CHST9: variants seen among roughly 807,000 people sequenced by gnomAD.
CHST9 encodes the protein GalNAc-4-sulfotransferase 2.
CHST9 carries 41 observed loss-of-function variants against 44.4 expected under a neutral mutation model. The observed-to-expected ratio is 0.92, with a 90% CI of 0.72 to 1.20. The LOEUF is 1.20. Among genes scored for constraint, CHST9 ranks in the 50% most tolerant of loss-of-function variants. CHST9 has a pLI of 0.00. For synonymous variants in CHST9, 171 were observed against 178.4 expected, an observed-to-expected ratio of 0.96 and a Z score of 0.33; for missense variants, 504 against 516.5, an observed-to-expected ratio of 0.98 and a Z score of 0.23.
chr18:26,927,410 A>G (rs1286056003), intron 5 of CHST9, among the ~76,000 whole-genome samples: 1 of 152,120 alleles, frequency 6.6e-6, no homozygotes, highest in East Asian at 1.9e-4. Flanking sequence ...ATCCGCGCTC[A>G]GCATATGGTC....
intron 5 of CHST9, chr18:26,925,873 G>GT (rs1222490101): frequency 2.0e-5 from 3 of 152,032 alleles, no homozygotes; most frequent in Non-Finnish European, 4.4e-5. Context: ...GTAAGTATTT[G>GT]TTTTTTATTC....
intron 4 of CHST9, among the ~76,000 whole-genome samples, chr18:26,979,000 GT>G (rs919881710): frequency 7.9e-5 from 12 of 151,350 alleles, no homozygotes; most frequent in African/African-American, 2.9e-4. Context: ...TGTTGTTTCC[GT>G]TTTTTTTATT....
At chr18:27,077,775 A>C (rs2057919686) in intron 2 of CHST9, among the ~76,000 whole-genome samples, 1 of 152,196 alleles carries the variant, frequency 6.6e-6, no homozygotes, top group Non-Finnish European at 1.5e-5. Context: ...AAAATATACA[A>C]ATTGTATTAA....
intron 4 of CHST9, among the ~76,000 whole-genome samples, chr18:26,995,108 A>G (rs1012425201): frequency 1.3e-5 from 2 of 151,186 alleles, no homozygotes; most frequent in South Asian, 2.1e-4. Flanking sequence ...CAACAGCCAC[A>G]TGAATGAGCC....
intron 4 of CHST9, among the ~76,000 whole-genome samples, chr18:26,960,793 G>A (rs1244367476): frequency 1.3e-5 from 2 of 152,118 alleles, no homozygotes; most frequent in Non-Finnish European, 2.9e-5. Context: ...ATATCCTTTC[G>A]AGTAGCTGGG....
intron 4 of CHST9, among the ~76,000 whole-genome samples, chr18:26,964,581 T>A (rs12965711): frequency 0.3 from 45,164 of 152,164 alleles, 8,062 homozygotes; most frequent in African/African-American, 0.5. Flanking sequence ...CAGGTATGCC[T>A]CTGTATTTGC....
intron 4 of CHST9, among the ~76,000 whole-genome samples, chr18:26,959,622 G>A (rs2056373341): frequency 6.6e-6 from 1 of 152,210 alleles, no homozygotes; most frequent in Admixed American, 6.5e-5. Flanking sequence ...GGAAAAGCAT[G>A]AGCAAAAGCA....
chr18:26,958,044 A>G (rs897077528), intron 4 of CHST9, among the ~76,000 whole-genome samples: 1 of 120,268 alleles, frequency 8.3e-6, no homozygotes, highest in Admixed American at 8.4e-5. Context: ...GCACCACCAC[A>G]CCTGGCTAAT....
chr18:27,064,536 AT>A (rs1388909863), intron 2 of CHST9, among the ~76,000 whole-genome samples: 4 of 152,232 alleles, frequency 2.6e-5, no homozygotes, highest in Admixed American at 1.3e-4. Flanking sequence ...CATTCAGATG[AT>A]GCCCTCATGG....
chr18:27,075,726 A>G (rs1458084236), intron 2 of CHST9, among the ~76,000 whole-genome samples: 8 of 152,276 alleles, frequency 5.3e-5, no homozygotes, highest in Admixed American at 2.6e-4. Flanking sequence ...TACATCTCCT[A>G]TTAGACATGG....
intron 4 of CHST9, among the ~76,000 whole-genome samples, chr18:27,010,071 T>A (rs1026235994): frequency 6.6e-6 from 1 of 152,254 alleles, no homozygotes; most frequent in Non-Finnish European, 1.5e-5. Flanking sequence ...TATTTCTAAT[T>A]CTACTAGGTT....
chr18:27,158,420 C>T (rs1260618597), intron 1 of CHST9, among the ~76,000 whole-genome samples: 1 of 151,734 alleles, frequency 6.6e-6, no homozygotes, highest in African/African-American at 2.4e-5. Flanking sequence ...CATGTCCCTA[C>T]AAAGGACATG....
chr18:27,064,504 G>A (rs1429820420), intron 2 of CHST9, among the ~76,000 whole-genome samples: 1 of 152,200 alleles, frequency 6.6e-6, no homozygotes, highest in Non-Finnish European at 1.5e-5. Flanking sequence ...AAGACAGTTC[G>A]AACTCCAGAT....
intron 3 of CHST9, among the ~76,000 whole-genome samples, chr18:27,033,376 C>A (rs1476996668): frequency 6.6e-6 from 1 of 152,162 alleles, no homozygotes; most frequent in Non-Finnish European, 1.5e-5. Context: ...ACACGCAGTT[C>A]AAGATCAACG....
chr18:27,135,917 C>T (rs149356776), intron 2 of CHST9, among the ~76,000 whole-genome samples: 64 of 152,306 alleles, frequency 4.2e-4, no homozygotes, highest in African/African-American at 1.3e-3. Flanking sequence ...TCTCACGTGA[C>T]GCTGTTGCTT....
intron 3 of CHST9, among the ~76,000 whole-genome samples, chr18:27,030,901 T>G (rs1461069566): frequency 6.6e-6 from 1 of 152,044 alleles, no homozygotes; most frequent in Non-Finnish European, 1.5e-5. Flanking sequence ...CACTTCAGCC[T>G]TGAGATTCTA....
At chr18:26,994,435 A>C (rs1199665383) in intron 4 of CHST9, among the ~76,000 whole-genome samples, 2 of 151,804 alleles carry the variant, frequency 1.3e-5, no homozygotes, top group Non-Finnish European at 2.9e-5. Flanking sequence ...AGAAAGAGCG[A>C]TTTTCTCAGT....
intron 3 of CHST9, among the ~76,000 whole-genome samples, chr18:27,040,380 A>G (rs2057432213): frequency 6.6e-6 from 1 of 152,178 alleles, no homozygotes; most frequent in Non-Finnish European, 1.5e-5. Flanking sequence ...GTAGTAATTC[A>G]TGGTCATCTG....
At chr18:27,044,702 T>C (rs2057479757) in intron 3 of CHST9, among the ~76,000 whole-genome samples, 1 of 152,020 alleles carries the variant, frequency 6.6e-6, no homozygotes, top group East Asian at 1.9e-4. Context: ...ATAGGAACTA[T>C]GTCAAAAACA....
Sources: allele counts gnomAD v4.1 joint callset (sites outside exome capture counted in the v4.1 genomes callset), GRCh38; gene constraint gnomAD v4.1.1; transcripts MANE v1.5; gene names NCBI Gene and HGNC (gene_info 2026-07-23, HGNC 2026-07-21).